COL21A1: variants seen among roughly 807,000 people sequenced by gnomAD.
COL21A1 encodes collagen alpha-1(XXI) chain.
A neutral mutation model predicts 137.9 loss-of-function variants in COL21A1; 149 were observed. That is an observed-to-expected ratio of 1.08 (90% CI 0.95 to 1.24). The LOEUF (loss-of-function observed/expected upper bound fraction) is 1.24, where lower values mean the gene tolerates loss of function less well. Ranked by LOEUF, COL21A1 falls within the 50% of genes most tolerant of loss-of-function variation. COL21A1 has a pLI of 0.00. For synonymous variants in COL21A1, 456 were observed against 391.5 expected (o/e 1.16, Z -1.95); for missense variants, 1,167 against 1,158.4 (o/e 1.01, Z -0.11).
chr6:56,216,291 A>G (rs1160642170), intron 1 of COL21A1, among the ~76,000 whole-genome samples: 5 of 152,078 alleles, frequency 3.3e-5, no homozygotes, highest in Non-Finnish European at 5.9e-5. Context: ...CCAACCCTAC[A>G]GAGAGGACCA....
chr6:56,276,467 A>G, intron 1 of COL21A1: 1 of 698,872 alleles, frequency 1.4e-6, no homozygotes, highest in Non-Finnish European at 2.4e-6. Flanking sequence ...ATGTAAAAAT[A>G]CATACTTTTT....
intron 12 of COL21A1, among the ~76,000 whole-genome samples, chr6:56,140,990 A>G (rs1925175): frequency 0.56 from 85,654 of 152,088 alleles, 24,425 homozygotes; most frequent in East Asian, 0.79. Flanking sequence ...AATTATAGTT[A>G]TTCTTTTATT....
At chr6:56,241,703 A>G (rs1782337528) in intron 1 of COL21A1, among the ~76,000 whole-genome samples, 4 of 152,208 alleles carry the variant, frequency 2.6e-5, no homozygotes, top group Admixed American at 2.6e-4. Flanking sequence ...CCAAGACATT[A>G]CTTCAAACCA....
intron 1 of COL21A1, among the ~76,000 whole-genome samples, chr6:56,347,982 T>C (rs1252688299): frequency 6.6e-6 from 1 of 152,190 alleles, no homozygotes; most frequent in Non-Finnish European, 1.5e-5. Flanking sequence ...TTTTGTGCAT[T>C]CATTTATGCA....
intron 1 of COL21A1, among the ~76,000 whole-genome samples, chr6:56,222,976 ATT>A (rs944699914): frequency 6.7e-6 from 1 of 148,550 alleles, no homozygotes; most frequent in African/African-American, 2.5e-5. Context: ...CTCAATCAGT[ATT>A]TTTTTTTTAT....
intron 17 of COL21A1, among the ~76,000 whole-genome samples, chr6:56,098,487 A>G (rs1468329283): frequency 5.0e-5 from 2 of 39,640 alleles, no homozygotes; most frequent in African/African-American, 1.2e-4. Context: ...ATATACATAT[A>G]TAAATATATA....
chr6:56,347,603 G>T (rs532757915), intron 1 of COL21A1, among the ~76,000 whole-genome samples: 2 of 151,448 alleles, frequency 1.3e-5, no homozygotes, highest in South Asian at 4.2e-4. Flanking sequence ...TAGAAGTAAG[G>T]CCTGAGCATT....
In COL21A1 at chr6:56,325,996, A is replaced by ATATTATATATTATATAATATATAT. The variant is rs1562057995; in HGVS notation, c.-39+67974_-39+67975insATATATATTATATAATATATAATA. On this transcript the variant is annotated intron_variant, in intron 1 of 28. Coordinates refer to the COL21A1 transcript ENST00000370819. ...TATATATTATATAATATATGTATAT[A>ATATTATATATTATATAATATATAT]CATACATATATTATGTATATGTATA... is the stretch of plus-strand genomic sequence containing the variant. Among the ~76,000 whole-genome samples, 11 of 1,318 alleles carry ATATTATATATTATATAATATATAT rather than the reference A, an allele frequency of 8.3e-3. 2 individuals are homozygous for ATATTATATATTATATAATATATAT. The South Asian group carries it at 0.21, about 25-fold the overall frequency. 0.9% of individuals were successfully genotyped at this position (1,318 alleles called of 152,430 possible). A position where few individuals can be genotyped will look rare whatever the true frequency, so the allele number is the denominator to read the frequency against.
chr6:56,211,161 G>GTGTATA (rs1271619000), intron 1 of COL21A1, among the ~76,000 whole-genome samples: 12 of 141,024 alleles, frequency 8.5e-5, no homozygotes, highest in Non-Finnish European at 1.7e-4. Context: ...TAAATTTTGT[G>GTGTATA]TGTATATGTA....
Position 56,060,957 on chromosome 6 carries a change from G to A in COL21A1, c.2286C>T (p.Pro762=), listed in dbSNP as rs373710529. 6.2e-5 allele frequency: 99 copies of A among 1,607,922 alleles called. No homozygotes were observed. In the East Asian group the frequency reaches 1.4e-3, roughly 23 times the overall value. ...GESGVDGLMG[P]AGPKGQPGDP... is the part of the protein sequence containing the mutation. ...CCCCAGGTTGCCCCTTAGGACCTGC[G>A]GGCCCCATCAAGCCATCCACCCCAG... Residue 762 remains proline, a synonymous_variant, in exon 26 of 30, where the codon CCC becomes CCT. Transcript: ENST00000244728.
intron 1 of COL21A1, among the ~76,000 whole-genome samples, chr6:56,336,356 C>T (rs958124796): frequency 6.6e-6 from 1 of 152,194 alleles, no homozygotes; most frequent in Non-Finnish European, 1.5e-5. Context: ...AGTTAAGTAA[C>T]TTAACCGAAG....
chr6:56,355,456 A>C (rs780332167), intron 1 of COL21A1, among the ~76,000 whole-genome samples: 3 of 152,352 alleles, frequency 2.0e-5, no homozygotes, highest in Non-Finnish European at 2.9e-5. Flanking sequence ...GTAGATTAAA[A>C]AGAGACCTAA....
At chr6:56,074,029 T>C (rs1766991392) in intron 20 of COL21A1, among the ~76,000 whole-genome samples, 2 of 151,418 alleles carry the variant, frequency 1.3e-5, no homozygotes, top group South Asian at 4.2e-4. Context: ...CTGGACCCTT[T>C]CCAACATAAC....
chr6:56,299,393 G>A (rs1764231708), intron 1 of COL21A1, among the ~76,000 whole-genome samples: 1 of 152,078 alleles, frequency 6.6e-6, no homozygotes, highest in Non-Finnish European at 1.5e-5. Context: ...TTGTGATTCA[G>A]GTCCATTGCA....
intron 17 of COL21A1, among the ~76,000 whole-genome samples, chr6:56,096,181 G>A (rs757942541): frequency 6.6e-5 from 10 of 150,916 alleles, no homozygotes; most frequent in Non-Finnish European, 1.0e-4. Flanking sequence ...CATACCTTTC[G>A]ACAATGCCTA....
chr6:56,311,032 G>A (rs149335296), intron 1 of COL21A1, among the ~76,000 whole-genome samples: 8 of 152,202 alleles, frequency 5.3e-5, no homozygotes, highest in African/African-American at 1.7e-4. Context: ...CGGCTATTAG[G>A]TTTTAAAAGA....
At chr6:56,118,796 G>A (rs1489848313) in intron 16 of COL21A1, among the ~76,000 whole-genome samples, 2 of 151,952 alleles carry the variant, frequency 1.3e-5, no homozygotes, top group African/African-American at 4.8e-5. Context: ...CAATCAAAAT[G>A]ATACATCATA....
At position 56,060,104 on chromosome 6, in the gene COL21A1, G is replaced by A. The variant is rs1486238937; in HGVS notation, c.2522C>T (p.Pro841Leu). The A allele has an allele frequency of 1.2e-6, 2 of 1,609,796 alleles. No individual in the cohort carries two copies. The highest frequency in any genetic ancestry group is 1.7e-5 in the Admixed American group (1 of 58,782). Residue 841 changes from proline (P) to leucine (L), a missense_variant, in exon 28 of 30, where the codon CCC becomes CTC. Transcript: ENST00000244728. ...TCCTGGCAAACCAGGTAATCCTCTG[G>A]GACCCTCTGGGCCTATCGGACCAGG... ...GPPGPIGPEGPRGLPGLPGRD... is the reference protein window; with the variant it reads ...GPPGPIGPEGLRGLPGLPGRD...
At position 56,165,921 on chromosome 6, in the gene COL21A1, C is replaced by CAT. The variant is rs747676940; in HGVS notation, c.1278+984_1278+985insAT. Among the ~76,000 whole-genome samples the CAT allele has an allele frequency of 3.6e-3, 540 of 150,792 alleles. 1 individual carries two copies. Among genetic ancestry groups the CAT allele is most frequent in the African/African-American group, 7.3e-3 (299 of 41,022 alleles). On this transcript the variant is annotated intron_variant, in intron 7 of 29. Coordinates refer to ENST00000244728, the MANE Select transcript of COL21A1 (RefSeq NM_030820.4). ...AGGGGATTGATTACACACACACACA[C>CAT]ACACACACACACACACACACACACA...
Sources: gnomAD v4.1 joint callset for allele counts (sites outside exome capture counted in the v4.1 genomes callset) on GRCh38, gnomAD v4.1.1 for gene constraint, MANE v1.5 for transcripts, NCBI Gene and HGNC (gene_info 2026-07-23, HGNC 2026-07-21) for gene names.